CSRNP3: variants seen among roughly 807,000 people sequenced by gnomAD.
The protein encoded by CSRNP3 is cysteine and serine rich nuclear protein 3, also known as cysteine/serine-rich nuclear protein 3.
In CSRNP3, 12 loss-of-function variants were observed where a neutral mutation model predicts 48.0. That is an observed-to-expected ratio of 0.25 (90% CI 0.16 to 0.41). The LOEUF is 0.41. Ranked by LOEUF, CSRNP3 falls within the 10% of genes least tolerant of loss-of-function variation. The pLI, the probability that CSRNP3 is intolerant of heterozygous loss-of-function variation, is 1.00. For synonymous variants in CSRNP3, 263 were observed against 269.7 expected, an observed-to-expected ratio of 0.98 and a Z score of 0.24; for missense variants, 580 against 724.4, an observed-to-expected ratio of 0.80 and a Z score of 2.29.
intron 6 of CSRNP3, 47 bp downstream of exon 6, chr2:165,676,655 C>T: frequency 1.3e-6 from 2 of 1,536,052 alleles, no homozygotes; most frequent in East Asian, 2.3e-5. Flanking sequence ...CATTGTCTAC[C>T]ACCCCCTAAG....
At chr2:165,584,668 A>G (rs1472553328) in intron 3 of CSRNP3, among the ~76,000 whole-genome samples, 1 of 152,192 alleles carries the variant, frequency 6.6e-6, no homozygotes, top group Non-Finnish European at 1.5e-5. Context: ...TTATAGAATG[A>G]GTCAAAAGCC....
At chr2:165,573,265 AAAAC>A (rs1685399785) in intron 3 of CSRNP3, among the ~76,000 whole-genome samples, 2 of 152,144 alleles carry the variant, frequency 1.3e-5, no homozygotes, top group South Asian at 2.1e-4. Context: ...TATTTAGAGA[AAAAC>A]AAATTTGCTT....
chr2:165,667,851 C>T (rs979212934), intron 5 of CSRNP3, among the ~76,000 whole-genome samples: 6 of 152,204 alleles, frequency 3.9e-5, no homozygotes, highest in African/African-American at 7.2e-5. Context: ...ATTTATTACA[C>T]GGTCATCTCC....
intron 3 of CSRNP3, 44 bp from the exon 4 acceptor site, chr2:165,594,999 C>G: frequency 1.3e-6 from 2 of 1,567,810 alleles, no homozygotes; most frequent in Non-Finnish European, 1.7e-6. Context: ...ACACGTTCAG[C>G]GGTCAAATAT....
At chr2:165,528,423 A>G (rs1558925841) in intron 3 of CSRNP3, among the ~76,000 whole-genome samples, 1 of 152,170 alleles carries the variant, frequency 6.6e-6, no homozygotes, top group Admixed American at 6.5e-5. Context: ...GTGTTTTCCT[A>G]TGCTTTCTTC....
intron 5 of CSRNP3, among the ~76,000 whole-genome samples, chr2:165,675,787 T>C (rs2105362971): frequency 6.6e-6 from 1 of 152,378 alleles, no homozygotes; most frequent in South Asian, 2.1e-4. Flanking sequence ...ATCATATTTG[T>C]AATCCCTGTA....
At chr2:165,624,425 C>T (rs1558954033) in intron 4 of CSRNP3, among the ~76,000 whole-genome samples, 1 of 152,154 alleles carries the variant, frequency 6.6e-6, no homozygotes, top group African/African-American at 2.4e-5. Flanking sequence ...TTAAGTCACT[C>T]TTTTTATTTT....
At chr2:165,477,787 G>C (rs1574792864) in intron 1 of CSRNP3, among the ~76,000 whole-genome samples, 3 of 151,976 alleles carry the variant, frequency 2.0e-5, no homozygotes, top group South Asian at 4.1e-4. Context: ...CACTAGCCTG[G>C]CCAATGTGGT....
chr2:165,641,535 T>A (rs751382047), intron 4 of CSRNP3, among the ~76,000 whole-genome samples: 10 of 152,058 alleles, frequency 6.6e-5, no homozygotes, highest in Non-Finnish European at 1.3e-4. Flanking sequence ...AGCAGGCAAG[T>A]CTACCTTAAA....
chr2:165,623,986 T>C (rs1191069073), intron 4 of CSRNP3, among the ~76,000 whole-genome samples: 3 of 152,176 alleles, frequency 2.0e-5, no homozygotes, highest in Non-Finnish European at 4.4e-5. Context: ...GCCTCATTTT[T>C]CCATTCGTCT....
chr2:165,665,001 CAAT>C (rs1425705907), intron 5 of CSRNP3, among the ~76,000 whole-genome samples: 1 of 152,136 alleles, frequency 6.6e-6, no homozygotes, highest in Non-Finnish European at 1.5e-5. Flanking sequence ...AGAGAGTGAT[CAAT>C]AAAGTTTTGT....
chr2:165,600,602 CCTGA>C (rs1435077543), intron 4 of CSRNP3, among the ~76,000 whole-genome samples: 27 of 152,156 alleles, frequency 1.8e-4, no homozygotes, highest in Admixed American at 6.5e-5. Context: ...CCTGTTGTTT[CCTGA>C]CTTTTTAATG....
At chr2:165,537,751 C>G (rs1684899933) in intron 3 of CSRNP3, among the ~76,000 whole-genome samples, 1 of 151,572 alleles carries the variant, frequency 6.6e-6, no homozygotes, top group Admixed American at 6.6e-5. Flanking sequence ...CTTGCTTTTC[C>G]CTTTCTCTAC....
chr2:165,564,629 G>A (rs1035343555), intron 3 of CSRNP3, among the ~76,000 whole-genome samples: 1 of 151,722 alleles, frequency 6.6e-6, no homozygotes, highest in Non-Finnish European at 1.5e-5. Context: ...CCTATTAGGT[G>A]TCATCGTATT....
At chr2:165,651,138 A>G (rs1176005037) in intron 4 of CSRNP3, among the ~76,000 whole-genome samples, 1 of 152,250 alleles carries the variant, frequency 6.6e-6, no homozygotes, top group Admixed American at 6.5e-5. Context: ...CTTCAATTTT[A>G]CAGGCCCAGA....
chr2:165,539,677 A>G (rs1684927766), intron 3 of CSRNP3, among the ~76,000 whole-genome samples: 2 of 152,034 alleles, frequency 1.3e-5, no homozygotes, highest in Admixed American at 6.6e-5. Context: ...CTTTTTATTT[A>G]AATCAACGTG....
At chr2:165,659,827 G>A (rs952333780) in intron 5 of CSRNP3, among the ~76,000 whole-genome samples, 1 of 152,200 alleles carries the variant, frequency 6.6e-6, no homozygotes, top group Non-Finnish European at 1.5e-5. Context: ...TCAGTCAGCA[G>A]GGGTGTGATG....
chr2:165,511,539 G>T (rs1684505919), intron 2 of CSRNP3, among the ~76,000 whole-genome samples: 4 of 152,124 alleles, frequency 2.6e-5, no homozygotes, highest in Admixed American at 2.6e-4. Flanking sequence ...ATCATAACAT[G>T]ATTGAAGACA....
intron 3 of CSRNP3, among the ~76,000 whole-genome samples, chr2:165,536,199 A>G (rs966659362): frequency 6.6e-6 from 1 of 151,944 alleles, no homozygotes; most frequent in South Asian, 2.1e-4. Context: ...CAGTTTAAAT[A>G]TAATAGCGTC....
Sources: gnomAD v4.1 joint callset for allele counts (sites outside exome capture counted in the v4.1 genomes callset) on GRCh38, gnomAD v4.1.1 for gene constraint, MANE v1.5 for transcripts, NCBI Gene and HGNC (gene_info 2026-07-23, HGNC 2026-07-21) for gene names.